ACAP2: variants seen among roughly 807,000 people sequenced by gnomAD.
The protein encoded by ACAP2 is ArfGAP with coiled-coil, ankyrin repeat and PH domains 2.
A neutral mutation model predicts 115.8 loss-of-function variants in ACAP2; 39 were observed. The observed-to-expected ratio is 0.34, with a 90% CI of 0.26 to 0.44. The LOEUF (loss-of-function observed/expected upper bound fraction) is 0.44. ACAP2 is among the 20% of genes least tolerant of loss of function. ACAP2 has a pLI of 1.00. For missense variants in ACAP2, 662 were observed against 927.6 expected (o/e 0.71, Z 3.72); for synonymous variants, 289 against 315.8 (o/e 0.92, Z 0.90).
intron 1 of ACAP2, among the ~76,000 whole-genome samples, chr3:195,408,710 A>T (rs1447148517): frequency 6.6e-6 from 1 of 152,220 alleles, no homozygotes; most frequent in East Asian, 1.9e-4. Context: ...ACAGAAGACT[A>T]GCAAACTGAA....
chr3:195,356,086 G>A (rs775486656), intron 4 of ACAP2: 1 of 456,536 alleles, frequency 2.2e-6, no homozygotes, highest in Non-Finnish European at 4.4e-6. Context: ...TGCTGAAAGA[G>A]GCAGTGAAGA....
chr3:195,297,696 A>T (rs1326518807), intron 15 of ACAP2, among the ~76,000 whole-genome samples: 2 of 152,252 alleles, frequency 1.3e-5, no homozygotes, highest in South Asian at 4.1e-4. Context: ...TTAAGTATCT[A>T]TTCTTTTCAG....
intron 1 of ACAP2, among the ~76,000 whole-genome samples, chr3:195,418,192 A>T (rs1043120322): frequency 2.6e-5 from 4 of 152,146 alleles, no homozygotes; most frequent in Non-Finnish European, 5.9e-5. Flanking sequence ...TTCACCTGTC[A>T]ATTTAAATAT....
At position 195,301,459 on chromosome 3, in the gene ACAP2, A is replaced by T. The variant is rs1269885901; in HGVS notation, c.1395+116T>A. 1.5e-5 allele frequency: 12 copies of T among 797,130 alleles called. No individual in the cohort carries two copies. The Admixed American group carries it at 3.3e-4, about 22-fold the overall frequency. The allele number at this position is 797,130 out of a possible 1,614,324, so 49.4% of individuals were successfully genotyped here. On this transcript the variant is annotated intron_variant, in intron 15 of 22. Coordinates refer to ENST00000326793, the MANE Select transcript of ACAP2 (RefSeq NM_012287.6). ...AATAGCCTCAGATGTGTTTCAATAC[A>T]ATTTAGCTAGCATACATTGGTAGCA...
At chr3:195,435,235 C>T (rs903789174) in intron 1 of ACAP2, among the ~76,000 whole-genome samples, 1 of 151,524 alleles carries the variant, frequency 6.6e-6, no homozygotes, top group Non-Finnish European at 1.5e-5. Flanking sequence ...AGTGCAGTGG[C>T]GTACTCTTGG....
At chr3:195,364,710 C>CA (rs1732596937) in intron 4 of ACAP2, among the ~76,000 whole-genome samples, 1 of 152,166 alleles carries the variant, frequency 6.6e-6, no homozygotes, top group African/African-American at 2.4e-5. Context: ...CTAAGGAAAA[C>CA]AGTTTGGAGA....
intron 20 of ACAP2, among the ~76,000 whole-genome samples, chr3:195,291,411 G>A (rs755221719): frequency 3.3e-5 from 5 of 152,180 alleles, no homozygotes; most frequent in Non-Finnish European, 7.3e-5. Flanking sequence ...ACAGGCTTAA[G>A]TTGTCTGACA....
intron 1 of ACAP2, among the ~76,000 whole-genome samples, chr3:195,400,840 T>C (rs887126634): frequency 6.6e-6 from 1 of 152,074 alleles, no homozygotes; most frequent in Non-Finnish European, 1.5e-5. Flanking sequence ...AGACCCTCAA[T>C]GAGAGAACAA....
intron 13 of ACAP2, among the ~76,000 whole-genome samples, chr3:195,305,436 A>G (rs138323667): frequency 1.3e-3 from 193 of 152,316 alleles, no homozygotes; most frequent in African/African-American, 4.4e-3. Flanking sequence ...TACCAATCAA[A>G]TATGAGGACA....
intron 13 of ACAP2, among the ~76,000 whole-genome samples, chr3:195,303,987 C>G (rs1728241103): frequency 6.6e-6 from 1 of 151,670 alleles, no homozygotes. Flanking sequence ...TGGTGAAACC[C>G]TGTCTCTACT....
intron 22 of ACAP2, among the ~76,000 whole-genome samples, chr3:195,281,141 C>T (rs1344953451): frequency 1.3e-5 from 2 of 152,190 alleles, no homozygotes; most frequent in African/African-American, 4.8e-5. Flanking sequence ...CCGGGTGGCT[C>T]ACGCCTCTAA....
chr3:195,299,912 A>G (rs76381877), intron 15 of ACAP2, among the ~76,000 whole-genome samples: 3,287 of 152,320 alleles, frequency 0.022, 117 homozygotes, highest in East Asian at 0.1. Flanking sequence ...ATAAATTCAC[A>G]ATATACTACG....
intron 1 of ACAP2, among the ~76,000 whole-genome samples, chr3:195,435,067 T>G (rs1263564174): frequency 2.0e-5 from 3 of 151,980 alleles, no homozygotes; most frequent in Non-Finnish European, 4.4e-5. Flanking sequence ...CTCTTCTCTA[T>G]TTTCTCTTAT....
intron 1 of ACAP2, among the ~76,000 whole-genome samples, chr3:195,401,848 T>C (rs1041541666): frequency 6.6e-6 from 1 of 152,170 alleles, no homozygotes; most frequent in Non-Finnish European, 1.5e-5. Flanking sequence ...TTACACAGTA[T>C]TTCATCTCCA....
At chr3:195,378,131 GA>G (rs1733690226) in intron 4 of ACAP2, among the ~76,000 whole-genome samples, 3 of 141,442 alleles carry the variant, frequency 2.1e-5, no homozygotes, top group Admixed American at 1.4e-4. Context: ...AAGAAAGTGA[GA>G]AAAGTGGAAT....
At chr3:195,412,594 G>A (rs1345606028) in intron 1 of ACAP2, among the ~76,000 whole-genome samples, 1 of 152,052 alleles carries the variant, frequency 6.6e-6, no homozygotes, top group Non-Finnish European at 1.5e-5. Context: ...CTGGGTGACA[G>A]AGCAAGACTC....
In ACAP2 at chr3:195,333,077, T is replaced by C. The variant is rs1272441198; in HGVS notation, c.620A>G (p.Tyr207Cys). The C allele has an allele frequency of 6.2e-7, 1 of 1,610,404 alleles. No individual in the cohort carries two copies. Among genetic ancestry groups the C allele is most frequent in the Non-Finnish European group, 8.5e-7 (1 of 1,178,488 alleles). Residue 207 changes from tyrosine to cysteine, a missense_variant, in exon 8 of 23, where the codon TAT (tyrosine) becomes TGT (cysteine). By Grantham distance (194) the Tyr-to-Cys change is radical (BLOSUM62 -2). Transcript: ENST00000326793. The part of the protein sequence containing the change: ...YAHLAFFHQG[Y>C]DLFSELGPYM... ...GGGTCCAAGTTCACTAAACAGATCA[T>C]ATCCTTGATGAAAGAAGGCCAAATG...
At chr3:195,396,208 G>A (rs1190778668) in intron 1 of ACAP2, among the ~76,000 whole-genome samples, 3 of 150,930 alleles carry the variant, frequency 2.0e-5, no homozygotes, top group East Asian at 2.0e-4. Context: ...CTGAGATCGC[G>A]CCACTGCACT....
rs34043043 is a variant in ACAP2, at chr3:195,360,984, C to CA, written c.286-15668dup. On this transcript the variant is annotated intron_variant, in intron 4 of 22. Coordinates refer to ENST00000326793, the MANE Select transcript of ACAP2 (RefSeq NM_012287.6). ...GTCACAAAACAAGTGGTAAGAAACT[C>CA]AAAAAAAAAAAAAAAAAAAACCTGA... Among the ~76,000 whole-genome samples, 786 of 98,072 alleles carry CA rather than the reference C, an allele frequency of 8.0e-3. 3 individuals carry two copies. Among genetic ancestry groups the CA allele is most frequent in the Non-Finnish European group, 0.013 (572 of 45,594 alleles). The allele number at this position is 98,072 out of a possible 152,430, so 64.3% of individuals were successfully genotyped here.
Sources: allele counts gnomAD v4.1 joint callset (sites outside exome capture counted in the v4.1 genomes callset), GRCh38; gene constraint gnomAD v4.1.1; transcripts MANE v1.5; gene names NCBI Gene and HGNC (gene_info 2026-07-23, HGNC 2026-07-21).